The following MYL1 variants were observed in gnomAD, a reference collection of about 807,000 sequenced individuals.
MYL1 encodes myosin light chain 1.
In MYL1, 16 loss-of-function variants were observed where a neutral mutation model predicts 21.8. The observed-to-expected ratio is 0.74, with a 90% CI of 0.50 to 1.12. MYL1 has a LOEUF of 1.12. Ranked by LOEUF, MYL1 falls within the 50% of genes most tolerant of loss-of-function variation. The pLI, the probability that MYL1 is intolerant of heterozygous loss-of-function variation, is 0.00. For synonymous variants in MYL1, 99 were observed against 85.2 expected, an observed-to-expected ratio of 1.16 and a Z score of -0.89; for missense variants, 246 against 241.0, an observed-to-expected ratio of 1.02 and a Z score of -0.14.
intron 1 of MYL1, among the ~76,000 whole-genome samples, chr2:210,314,036 C>T (rs1690454308): frequency 6.6e-6 from 1 of 152,060 alleles, no homozygotes; most frequent in Non-Finnish European, 1.5e-5. Context: ...AGAAGGTGCA[C>T]ATTTAATGAG....
intron 1 of MYL1, among the ~76,000 whole-genome samples, chr2:210,314,198 A>C (rs1231438854): frequency 6.6e-6 from 1 of 152,196 alleles, no homozygotes; most frequent in Non-Finnish European, 1.5e-5. Flanking sequence ...CTAAGACATA[A>C]GCTAAAAGCC....
chr2:210,291,936 TTTAACAAC>T (rs1306505068), intron 5 of MYL1, among the ~76,000 whole-genome samples: 1 of 152,154 alleles, frequency 6.6e-6, no homozygotes, highest in Non-Finnish European at 1.5e-5. Context: ...ACCTAGGGGT[TTTAACAAC>T]ATGCATTCCC....
chr2:210,314,717 A>G (rs1690463908), intron 1 of MYL1, among the ~76,000 whole-genome samples, 194 bp downstream of exon 1: 2 of 152,230 alleles, frequency 1.3e-5, no homozygotes, highest in Admixed American at 6.5e-5. Flanking sequence ...TTCACATATG[A>G]TACCATACTC....
chr2:210,292,580 G>C (rs1321650240), intron 5 of MYL1, among the ~76,000 whole-genome samples: 1 of 148,872 alleles, frequency 6.7e-6, no homozygotes, highest in Non-Finnish European at 1.5e-5. Flanking sequence ...CTGGTTTGCT[G>C]TCTTTTGACT....
At chr2:210,293,038 T>C (rs1158071052) in intron 5 of MYL1, among the ~76,000 whole-genome samples, 1 of 116,418 alleles carries the variant, frequency 8.6e-6, no homozygotes, top group African/African-American at 2.9e-5. Context: ...TCTCTTCTCT[T>C]CTTTGTTTTT....
At position 210,314,999 on chromosome 2, in the gene MYL1, G is replaced by T. The variant is rs762562092; in HGVS notation, c.44C>A (p.Ala15Glu). Residue 15 changes from alanine to glutamate, a missense_variant, in exon 1 of 7, where the codon GCG becomes GAG. Physicochemically the swap from Ala to Glu is moderately radical, Grantham distance 107. Coordinates refer to ENST00000352451, the MANE Select transcript of MYL1 (RefSeq NM_079420.3). ...TGCCGGTGCCGGGGCTGGGGCAGCC[G>T]CAGCCGCAGCCACAGGTTTCTTCAC... The part of the protein sequence containing the change: ...KDVKKPVAAA[A>E]AAPAPAPAPA... The T allele has an allele frequency of 2.5e-6, 4 of 1,606,486 alleles. No homozygotes were observed. The African/African-American group carries it at 5.4e-5, about 22-fold the overall frequency.
At position 210,306,677 on chromosome 2, in the gene MYL1, C is replaced by T. The variant is rs536090742; in HGVS notation, c.133-4162G>A. On this transcript the variant is annotated intron_variant, in intron 1 of 6. Transcript: ENST00000352451. ...AAAACTAGAAGACCTAGATTCTGTG[C>T]TCATAGAATAAATGGGAAATCCAAT... Among the ~76,000 whole-genome samples the T allele has an allele frequency of 2.0e-5, 3 of 151,162 alleles. No individual in the cohort carries two copies. In the South Asian group the frequency reaches 6.3e-4, roughly 32 times the overall value.
intron 5 of MYL1, among the ~76,000 whole-genome samples, chr2:210,292,663 C>G (rs1331483558): frequency 6.6e-6 from 1 of 151,836 alleles, no homozygotes; most frequent in East Asian, 1.9e-4. Flanking sequence ...TCAATGCCGT[C>G]TGGTTTTTGT....
chr2:210,299,800 T>A (rs1467963871), intron 2 of MYL1, among the ~76,000 whole-genome samples: 1 of 152,144 alleles, frequency 6.6e-6, no homozygotes, highest in East Asian at 1.9e-4. Context: ...ATATCAACAA[T>A]ACTCAAAAAA....
intron 3 of MYL1, among the ~76,000 whole-genome samples, chr2:210,295,318 G>GT (rs1182786154): frequency 6.6e-6 from 1 of 152,062 alleles, no homozygotes; most frequent in Admixed American, 6.6e-5. Context: ...AAAGATAGAT[G>GT]TTGCTAAGTT....
chr2:210,295,558 A>T (rs1282831659), intron 3 of MYL1, among the ~76,000 whole-genome samples: 2 of 152,112 alleles, frequency 1.3e-5, no homozygotes, highest in East Asian at 3.9e-4. Flanking sequence ...AGGTGGGAGG[A>T]TTGCTTGAGC....
intron 2 of MYL1, 85 bp from the exon 3 acceptor site, chr2:210,298,648 A>G (rs1328423836): frequency 6.8e-7 from 1 of 1,474,600 alleles, no homozygotes; most frequent in Admixed American, 2.0e-5. Flanking sequence ...TTCAGTTCAA[A>G]CTCTTCAGTT....
chr2:210,303,964 T>C (rs911601201), intron 1 of MYL1, among the ~76,000 whole-genome samples: 2 of 152,204 alleles, frequency 1.3e-5, no homozygotes, highest in Non-Finnish European at 2.9e-5. Flanking sequence ...CAGTGGACTT[T>C]ACAAACTTCT....
intron 3 of MYL1, among the ~76,000 whole-genome samples, chr2:210,297,502 T>A (rs1391705962): frequency 6.7e-6 from 1 of 150,324 alleles, no homozygotes; most frequent in African/African-American, 2.5e-5. Context: ...CCCATTTTTT[T>A]ATTGGATTAT....
intron 2 of MYL1, among the ~76,000 whole-genome samples, chr2:210,301,262 G>A (rs1690262064): frequency 6.6e-6 from 1 of 152,034 alleles, no homozygotes; most frequent in African/African-American, 2.4e-5. Flanking sequence ...GTCCTTCATA[G>A]TATAATTTCA....
At chr2:210,298,339 TACACACAC>T (rs112894708) in intron 3 of MYL1, 73 bp downstream of exon 3, 169 of 1,187,540 alleles carry the variant, frequency 1.4e-4, no homozygotes, top group Non-Finnish European at 1.8e-4. Context: ...ACACACATAC[TACACACAC>T]ACACACACAC....
At position 210,315,116 on chromosome 2, in the gene MYL1, G is replaced by A. The variant is rs553137163; in HGVS notation, c.-74C>T. On this transcript the variant is annotated 5_prime_UTR_variant, in exon 1 of 7. Coordinates refer to ENST00000352451, the MANE Select transcript of MYL1 (RefSeq NM_079420.3). ...GAACCTGTCAAAATGATTCTTGGAA[G>A]AGGAGTGGTGGTTGGGTTGATCCAC... 109 of 1,560,424 alleles carry A rather than the reference G, an allele frequency of 7.0e-5. No homozygotes were observed. In the African/African-American group the frequency reaches 1.4e-3, roughly 20 times the overall value.
chr2:210,314,797 G>T, intron 1 of MYL1, 114 bp downstream of exon 1: 2 of 1,148,906 alleles, frequency 1.7e-6, no homozygotes, highest in Non-Finnish European at 2.5e-6. Context: ...TAATCTACCA[G>T]CTCACTAAAT....
At chr2:210,294,224 C>T in intron 4 of MYL1, 21 bp downstream of exon 4, 3 of 1,593,768 alleles carry the variant, frequency 1.9e-6, no homozygotes, top group Non-Finnish European at 2.6e-6. Flanking sequence ...TCACTAAGTC[C>T]ACTGAAATAA....
Sources: gnomAD v4.1 joint callset for allele counts (sites outside exome capture counted in the v4.1 genomes callset) on GRCh38, gnomAD v4.1.1 for gene constraint, MANE v1.5 for transcripts, NCBI Gene and HGNC (gene_info 2026-07-23, HGNC 2026-07-21) for gene names.